KCNQ1: variants seen among roughly 807,000 people sequenced by gnomAD.
KCNQ1 encodes the protein potassium voltage-gated channel subfamily KQT member 1.
In KCNQ1, 49 loss-of-function variants were observed where a neutral mutation model predicts 72.4. That is an observed-to-expected ratio of 0.68 (90% CI 0.54 to 0.86). The LOEUF (loss-of-function observed/expected upper bound fraction) is 0.86. KCNQ1 is among the 40% of genes least tolerant of loss of function. The pLI is 0.00. For synonymous variants in KCNQ1, 450 were observed against 412.6 expected (o/e 1.09, Z -1.10); for missense variants, 790 against 945.1 (o/e 0.84, Z 2.15).
intron 12 of KCNQ1, among the ~76,000 whole-genome samples, chr11:2,774,027 A>G (rs1564888408): frequency 6.6e-6 from 1 of 152,106 alleles, no homozygotes. Flanking sequence ...ATCCCATCTT[A>G]CAGAAAAGAG....
chr11:2,820,302 T>C (rs538663155), intron 15 of KCNQ1, among the ~76,000 whole-genome samples: 17 of 152,372 alleles, frequency 1.1e-4, no homozygotes, highest in African/African-American at 4.1e-4. Flanking sequence ...CTCTGCCTTA[T>C]TTTCTCTTTA....
In KCNQ1 at chr11:2,566,799, G is replaced by A. The variant is rs1377100812; in HGVS notation, c.478-3829G>A. ...GCACCACATAGATCTTGTGAGAGGCGCTTTGTGGGGCTGGATGATCCTGGG... is the reference window on the plus strand; with the variant it reads ...GCACCACATAGATCTTGTGAGAGGCACTTTGTGGGGCTGGATGATCCTGGG... On this transcript the variant is annotated intron_variant, in intron 2 of 15. Transcript: ENST00000155840. The surrounding 1 kb of genome is among the most constrained non-coding windows in gnomAD (Gnocchi z 6.7). Among the ~76,000 whole-genome samples, 10 of 152,136 alleles carry A rather than the reference G, an allele frequency of 6.6e-5. No individual in the cohort carries two copies. The East Asian group carries it at 1.2e-3, about 18-fold the overall frequency.
Position 2,658,081 on chromosome 11 carries a change from G to T in KCNQ1, c.1394-3880G>T, listed in dbSNP as rs560023508. ...CACACTCAAGGTGGGGAAGGGAGGG[G>T]TTCAACTCTACCTCCTGCAGGAGAG... On this transcript the variant is annotated intron_variant, in intron 10 of 15. Transcript: ENST00000155840. The surrounding 1 kb of genome is among the most constrained non-coding windows in gnomAD (Gnocchi z 4.9). 95 of 398,524 alleles carry T rather than the reference G, an allele frequency of 2.4e-4. No individual in the cohort carries two copies. The South Asian group carries it at 7.6e-3, about 32-fold the overall frequency. The allele number at this position is 398,524 out of a possible 1,614,324, so 24.7% of individuals were successfully genotyped here.
At chr11:2,571,219 G>A (rs1313452729) in intron 3 of KCNQ1, 106 bp from the exon 4 acceptor site, 27 of 932,256 alleles carry the variant, frequency 2.9e-5, no homozygotes, top group Middle Eastern at 2.1e-4. Context: ...GGCGTGACCC[G>A]TCTGACCAGC....
intron 1 of KCNQ1, among the ~76,000 whole-genome samples, chr11:2,460,628 G>A (rs112442314): frequency 0.016 from 2,444 of 152,314 alleles, 50 homozygotes; most frequent in African/African-American, 0.055. Context: ...ACCTTGGACC[G>A]CAAATTTGCA....
At chr11:2,496,232 C>T (rs950214668) in intron 1 of KCNQ1, among the ~76,000 whole-genome samples, 6 of 151,826 alleles carry the variant, frequency 4.0e-5, no homozygotes, top group South Asian at 2.1e-4. Flanking sequence ...ATCAGGAGAT[C>T]GAGACCATCC....
intron 8 of KCNQ1, among the ~76,000 whole-genome samples, chr11:2,585,980 A>T (rs1235218958): frequency 2.6e-5 from 4 of 152,154 alleles, no homozygotes; most frequent in Non-Finnish European, 5.9e-5. Context: ...GTAAGCAAGG[A>T]CTTGGCACAG....
At chr11:2,619,963 CA>C (rs71029152) in intron 10 of KCNQ1, 225,387 of 397,570 alleles carry the variant, frequency 0.57, 65,999 homozygotes, top group East Asian at 0.75. Context: ...ATAAGCCTAT[CA>C]CCCAGGTAGT....
At chr11:2,501,853 C>T (rs1330862931) in intron 1 of KCNQ1, among the ~76,000 whole-genome samples, 1 of 151,812 alleles carries the variant, frequency 6.6e-6, no homozygotes, top group Non-Finnish European at 1.5e-5. Flanking sequence ...TCTTCATGAC[C>T]AAGTGGGAGT....
At chr11:2,807,607 G>A (rs918401534) in intron 15 of KCNQ1, among the ~76,000 whole-genome samples, 2 of 152,116 alleles carry the variant, frequency 1.3e-5, no homozygotes, top group South Asian at 2.1e-4. Flanking sequence ...CCCGCCCAGT[G>A]CCTCCGCAAC....
chr11:2,614,678 G>C (rs1428465234), intron 10 of KCNQ1: 1 of 398,414 alleles, frequency 2.5e-6, no homozygotes. Flanking sequence ...AAAATGAATT[G>C]ATCATATATG....
intron 11 of KCNQ1, among the ~76,000 whole-genome samples, chr11:2,747,772 G>T (rs1197707248): frequency 1.3e-5 from 2 of 152,132 alleles, no homozygotes; most frequent in Non-Finnish European, 2.9e-5. Flanking sequence ...GGGAGTGGGG[G>T]TCATGGGGGC....
chr11:2,506,387 A>G (rs1010727097), intron 1 of KCNQ1, among the ~76,000 whole-genome samples: 1 of 152,086 alleles, frequency 6.6e-6, no homozygotes, highest in Non-Finnish European at 1.5e-5. Flanking sequence ...GGGTCCTTCC[A>G]TATTCTTTTT....
rs188576973 is a variant in KCNQ1 at position 2,557,342 on chromosome 11, C to A, written c.478-13286C>A. 2.0e-4 allele frequency among the ~76,000 whole-genome samples: 30 copies of A among 152,248 alleles called. No homozygotes were observed. In the East Asian group the frequency reaches 2.9e-3, roughly 15 times the overall value. On this transcript the variant is annotated intron_variant, in intron 2 of 15. Coordinates refer to ENST00000155840, the MANE Select transcript of KCNQ1 (RefSeq NM_000218.3). ...AGGACAGGAAGGTTAAATATGATAA[C>A]GGGAGGAGATTTTAATGTACCTCTT...
rs1013003159 is a variant in KCNQ1 at position 2,549,069 on chromosome 11, G to C, written c.477+21051G>C. Among the ~76,000 whole-genome samples the C allele has an allele frequency of 2.0e-5, 3 of 152,212 alleles. No individual in the cohort carries two copies. Among genetic ancestry groups the C allele is most frequent in the Admixed American group, 2.0e-4 (3 of 15,290 alleles). On this transcript the variant is annotated intron_variant, in intron 2 of 15. Transcript: ENST00000155840. This position sits in a 1 kb window ranked among gnomAD's most constrained non-coding sequence, Gnocchi z 6.2. The stretch of plus-strand genomic sequence containing the variant: ...GGGGCTGTCTCCAGGGTGGGTTCTA[G>C]AGTACATCCAGCTTCCACCCAAGGG...
At position 2,690,991 on chromosome 11, in the gene KCNQ1, A is replaced by C; in HGVS notation, c.1514+28910A>C. 3 of 398,656 alleles carry C rather than the reference A, an allele frequency of 7.5e-6. No individual in the cohort carries two copies. The highest frequency in any genetic ancestry group is 4.1e-5 in the African/African-American group (2 of 48,754). The allele number at this position is 398,656 out of a possible 1,614,324, so 24.7% of individuals were successfully genotyped here. On this transcript the variant is annotated intron_variant, in intron 11 of 15. Transcript: ENST00000155840. The surrounding 1 kb of genome is among the most constrained non-coding windows in gnomAD (Gnocchi z 5.1). ...GTCAACAAAAGCCCACCAGACCATC[A>C]ATGAAGTGGGCAAAAGCTCTGGGTG...
In KCNQ1 at chr11:2,784,916, G is replaced by C. The variant is rs1013647958; in HGVS notation, c.1794+6879G>C. ...TCTATTCTTGGCTTTAGCCATTTTT[G>C]TTGTTGCTATTGATTTCTTAAGATT... On this transcript the variant is annotated intron_variant, in intron 15 of 15. Transcript: ENST00000155840. This position sits in a 1 kb window ranked among gnomAD's most constrained non-coding sequence, Gnocchi z 4.7. 1.3e-5 allele frequency among the ~76,000 whole-genome samples: 2 copies of C among 151,756 alleles called. No homozygotes were observed. Among genetic ancestry groups the C allele is most frequent in the Non-Finnish European group, 3.0e-5 (2 of 67,780 alleles).
intron 10 of KCNQ1, chr11:2,638,062 C>A (rs1348944279): frequency 6.6e-6 from 1 of 152,126 alleles, no homozygotes; most frequent in Non-Finnish European, 1.5e-5. Flanking sequence ...TATTTTGAGC[C>A]TATGTGTGTC....
rs1451631858 is a variant in KCNQ1, at chr11:2,715,599, G to T, written c.1515-53245G>T. Among the ~76,000 whole-genome samples, 3 of 152,136 alleles carry T rather than the reference G, an allele frequency of 2.0e-5. No homozygotes were observed. The highest frequency in any genetic ancestry group is 7.2e-5 in the African/African-American group (3 of 41,424). ...CCACCACCCCTGCTGGGGTCCCCTG[G>T]GACCCATCCTTCCAAGCCCCTGCCA... On this transcript the variant is annotated intron_variant, in intron 11 of 15. Coordinates refer to ENST00000155840, the MANE Select transcript of KCNQ1 (RefSeq NM_000218.3). This position sits in a 1 kb window ranked among gnomAD's most constrained non-coding sequence, Gnocchi z 4.9.
Sources: allele counts gnomAD v4.1 joint callset (sites outside exome capture counted in the v4.1 genomes callset), GRCh38; gene constraint gnomAD v4.1.1; non-coding constraint Gnocchi (gnomAD v3.1); transcripts MANE v1.5; gene names NCBI Gene and HGNC (gene_info 2026-07-23, HGNC 2026-07-21).